The following RCSD1 variants were observed in gnomAD, a reference collection of about 807,000 sequenced individuals.
RCSD1 encodes the protein RCSD domain containing 1.
Under a neutral mutation model 42.5 loss-of-function variants are expected in RCSD1, and 26 were observed. The ratio of observed to expected loss-of-function variants is 0.61; its 90% CI spans 0.45 to 0.85. The LOEUF is 0.85. RCSD1 is among the 40% of genes least tolerant of loss of function. RCSD1 has a pLI of 0.00. For synonymous variants in RCSD1, 220 were observed against 212.2 expected (o/e 1.04, Z -0.32); for missense variants, 571 against 528.3 (o/e 1.08, Z -0.79).
chr1:167,699,174 C>A (rs1019466768), intron 6 of RCSD1, among the ~76,000 whole-genome samples: 5 of 152,156 alleles, frequency 3.3e-5, no homozygotes, highest in Non-Finnish European at 1.5e-5. Flanking sequence ...CAGCAACCAG[C>A]AGGTTTGGTT....
chr1:167,682,804 C>T (rs1659114226), intron 1 of RCSD1, among the ~76,000 whole-genome samples: 1 of 152,068 alleles, frequency 6.6e-6, no homozygotes, highest in African/African-American at 2.4e-5. Context: ...CTCAGACAAA[C>T]TGCTGCCCAA....
chr1:167,697,124 G>C lies in RCSD1; in HGVS notation c.500G>C (p.Arg167Thr). The change falls in exon 6 of 7, where the codon AGG (arginine) becomes ACG (threonine). Residue 167 changes from arginine (R) to threonine (T), a missense_variant. Transcript: ENST00000367854. ...GTGCGGACGAGGGGCTCAATAAAAA[G>C]GCGCCCTCCCTCCAGGCGATTCCGA... The part of the protein sequence containing the change: ...NKVRTRGSIK[R>T]RPPSRRFRRS... 1 of 1,613,420 alleles carries C rather than the reference G, an allele frequency of 6.2e-7. No homozygotes were observed. Among genetic ancestry groups the C allele is most frequent in the Non-Finnish European group, 8.5e-7 (1 of 1,179,778 alleles).
chr1:167,655,039 G>A (rs1018307689), intron 1 of RCSD1, among the ~76,000 whole-genome samples: 27 of 152,160 alleles, frequency 1.8e-4, no homozygotes, highest in Admixed American at 1.8e-3. Flanking sequence ...CTGACTTCCT[G>A]AGGTTGAGAA....
intron 1 of RCSD1, among the ~76,000 whole-genome samples, chr1:167,657,668 T>C (rs1658452849): frequency 6.6e-6 from 1 of 152,168 alleles, no homozygotes; most frequent in South Asian, 2.1e-4. Flanking sequence ...TTGGTTTTGA[T>C]ATGCTGAGCA....
chr1:167,683,448 G>A (rs1041244823), intron 1 of RCSD1, among the ~76,000 whole-genome samples: 4 of 152,264 alleles, frequency 2.6e-5, no homozygotes, highest in Admixed American at 2.0e-4. Flanking sequence ...AATATTTACT[G>A]AGCGCTTCTT....
chr1:167,685,423 ACCAG>A lies in RCSD1; in HGVS notation c.116_119del (p.Ala39ValfsTer19). 1 of 1,611,978 alleles carries A rather than the reference ACCAG, an allele frequency of 6.2e-7. No homozygotes were observed. Among genetic ancestry groups the A allele is most frequent in the Non-Finnish European group, 8.5e-7 (1 of 1,179,340 alleles). On this transcript the variant is annotated frameshift_variant, in exon 3 of 7. Transcript: ENST00000367854. LOFTEE classifies it high-confidence loss of function. ...TCTGTCTGTCGCCCTCCCTCCAGAC[ACCAG>A]CCAGTAAACCAACCCGAAGGAAACC...
At position 167,685,494 on chromosome 1, in the gene RCSD1, G is replaced by A. The variant is rs760308197; in HGVS notation, c.182G>A (p.Gly61Asp). 6.2e-7 allele frequency: 1 copy of A among 1,613,874 alleles called. No homozygotes were observed. Among genetic ancestry groups the A allele is most frequent in the Non-Finnish European group, 8.5e-7 (1 of 1,179,874 alleles). Residue 61 changes from glycine (G) to aspartate (D), a missense_variant, in exon 3 of 7, where the codon GGC (glycine) becomes GAC (aspartate). Transcript: ENST00000367854. ...LPLFPPKVDLGQNGEEKSPPN... is the reference protein window; with the variant it reads ...LPLFPPKVDLDQNGEEKSPPN... ...CTGTTCCCCCCCAAGGTAGACCTGGGCCAGAATGGTGAGGAGGTAAGTGCT... is the reference window on the plus strand; with the variant it reads ...CTGTTCCCCCCCAAGGTAGACCTGGACCAGAATGGTGAGGAGGTAAGTGCT...
intron 1 of RCSD1, among the ~76,000 whole-genome samples, chr1:167,650,822 AG>A (rs1168697149): frequency 1.3e-5 from 2 of 152,156 alleles, no homozygotes; most frequent in African/African-American, 2.4e-5. Context: ...GGGGATAAGG[AG>A]GGGGGCAGCC....
Position 167,697,604 on chromosome 1 carries a change from TG to T in RCSD1, c.983del (p.Gly328AspfsTer18). On this transcript the variant is annotated frameshift_variant, in exon 6 of 7. Coordinates refer to ENST00000367854, the MANE Select transcript of RCSD1 (RefSeq NM_052862.4). LOFTEE classifies it high-confidence loss of function. ...GGGGAGAGGGTGCAAAATGAAGAGGTGGGACCTGAACATGACAGCCAAGAAA... is the reference window on the plus strand; with the variant it reads ...GGGGAGAGGGTGCAAAATGAAGAGGTGGACCTGAACATGACAGCCAAGAAA... ...VKGERVQNEE[V>X]GPEHDSQETK... The T allele has an allele frequency of 6.2e-7, 1 of 1,606,862 alleles. No individual in the cohort carries two copies. Among genetic ancestry groups the T allele is most frequent in the South Asian group, 1.1e-5 (1 of 89,582 alleles).
At chr1:167,650,847 C>G (rs766179490) in intron 1 of RCSD1, among the ~76,000 whole-genome samples, 4 of 152,198 alleles carry the variant, frequency 2.6e-5, no homozygotes, top group Non-Finnish European at 4.4e-5. Flanking sequence ...GAAGCAGCTT[C>G]CCCGAGGCCA....
intron 1 of RCSD1, among the ~76,000 whole-genome samples, chr1:167,677,476 C>T (rs976085809): frequency 2.0e-5 from 3 of 152,118 alleles, no homozygotes; most frequent in African/African-American, 7.2e-5. Context: ...CTGTGCCTTT[C>T]GCCAAAGATG....
rs767913106 is a variant in RCSD1, at chr1:167,697,670, C to T, written c.1046C>T (p.Pro349Leu). 13 of 1,604,510 alleles carry T rather than the reference C, an allele frequency of 8.1e-6. No individual in the cohort carries two copies. Among genetic ancestry groups the T allele is most frequent in the Admixed American group, 1.7e-5 (1 of 58,378 alleles). Residue 349 changes from proline (P) to leucine (L), a missense_variant, in exon 6 of 7, where the codon CCC becomes CTC. Physicochemically the swap from Pro to Leu is moderately conservative, Grantham distance 98. Transcript: ENST00000367854. Reference sequence around the variant, plus strand: ...GAGGGAGCTGCAGTGAAGGAGACCCCCCACAGTCCCCCTGGAGGAGTGAAG... The same window carrying T: ...GAGGGAGCTGCAGTGAAGGAGACCCTCCACAGTCCCCCTGGAGGAGTGAAG... Reference protein sequence around the residue: ...LEEGAAVKETPHSPPGGVKGG... With the variant: ...LEEGAAVKETLHSPPGGVKGG...
intron 1 of RCSD1, among the ~76,000 whole-genome samples, chr1:167,674,321 G>T (rs1658887555): frequency 6.6e-6 from 1 of 152,210 alleles, no homozygotes; most frequent in Non-Finnish European, 1.5e-5. Flanking sequence ...AGGCAGGGAA[G>T]GGCTGAGCCT....
At chr1:167,703,893 T>C (rs1452612438) in intron 6 of RCSD1, among the ~76,000 whole-genome samples, 1 of 152,150 alleles carries the variant, frequency 6.6e-6, no homozygotes, top group Admixed American at 6.5e-5. Context: ...TACCTGGAAG[T>C]CCTCTCACCA....
At chr1:167,675,466 T>C (rs1425746403) in intron 1 of RCSD1, among the ~76,000 whole-genome samples, 1 of 152,116 alleles carries the variant, frequency 6.6e-6, no homozygotes, top group Non-Finnish European at 1.5e-5. Flanking sequence ...GCTCCCATAA[T>C]TCAATTACCT....
intron 1 of RCSD1, among the ~76,000 whole-genome samples, chr1:167,658,805 ATT>A (rs111889818): frequency 6.8e-6 from 1 of 147,326 alleles, no homozygotes; most frequent in Non-Finnish European, 1.5e-5. Context: ...TTTTTATGGT[ATT>A]TTTTTTTTGT....
chr1:167,648,686 A>G (rs556542802), intron 1 of RCSD1, among the ~76,000 whole-genome samples: 1 of 148,296 alleles, frequency 6.7e-6, no homozygotes, highest in Admixed American at 6.7e-5. Flanking sequence ...GAAGTTACAT[A>G]CCAGTGATGG....
At chr1:167,649,042 G>A (rs1334494793) in intron 1 of RCSD1, among the ~76,000 whole-genome samples, 1 of 152,184 alleles carries the variant, frequency 6.6e-6, no homozygotes, top group Non-Finnish European at 1.5e-5. Context: ...GTTTGGTTAA[G>A]TATTCTAAGA....
intron 1 of RCSD1, among the ~76,000 whole-genome samples, chr1:167,662,112 T>C (rs137863058): frequency 0.015 from 2,297 of 152,286 alleles, 64 homozygotes; most frequent in African/African-American, 0.052. Flanking sequence ...ATTCTATTCT[T>C]AGAGCCCCTG....
Sources: allele counts gnomAD v4.1 joint callset (sites outside exome capture counted in the v4.1 genomes callset), GRCh38; gene constraint gnomAD v4.1.1; transcripts MANE v1.5; gene names NCBI Gene and HGNC (gene_info 2026-07-23, HGNC 2026-07-21).